ARHGEF12: variants seen among roughly 807,000 people sequenced by gnomAD.
The protein encoded by ARHGEF12 is Rho guanine nucleotide exchange factor 12.
In ARHGEF12, 66 loss-of-function variants were observed where a neutral mutation model predicts 211.2. The observed-to-expected ratio is 0.31, with a 90% CI of 0.26 to 0.38. The LOEUF (loss-of-function observed/expected upper bound fraction) is 0.38, where lower values mean the gene tolerates loss of function less well. Among genes scored for constraint, ARHGEF12 ranks in the 10% least tolerant of loss-of-function variants. The probability of loss-of-function intolerance (pLI) is 1.00; values close to 1 mark genes in which losing one functional copy is unlikely to be tolerated. For synonymous variants in ARHGEF12, 592 were observed against 638.4 expected (o/e 0.93, Z 1.09); for missense variants, 1,429 against 1,869.5 (o/e 0.76, Z 4.34).
At chr11:120,476,497 A>G in intron 33 of ARHGEF12, 164 bp from the exon 34 acceptor site, 1 of 452,108 alleles carries the variant, frequency 2.2e-6, no homozygotes. Context: ...ATACGTTAAT[A>G]TGGTAAGTTG....
chr11:120,460,416 T>G (rs753347120), intron 26 of ARHGEF12, among the ~76,000 whole-genome samples: 14 of 152,168 alleles, frequency 9.2e-5, no homozygotes, highest in Non-Finnish European at 1.8e-4. Flanking sequence ...GTTCAATGAA[T>G]ATTTGATGCA....
intron 40 of ARHGEF12, 31 bp downstream of exon 40, chr11:120,484,538 G>A: frequency 1.3e-6 from 2 of 1,554,486 alleles, no homozygotes; most frequent in Non-Finnish European, 1.8e-6. Flanking sequence ...CCAGACTCTA[G>A]ACTAATCATC....
Position 120,449,155 on chromosome 11 carries a change from G to T in ARHGEF12, c.1784G>T (p.Arg595Ile). The change falls in exon 21 of 41, where the codon AGA (arginine) becomes ATA (isoleucine). Residue 595 changes from arginine (R) to isoleucine (I), a missense_variant. By Grantham distance (97) the Arg-to-Ile change is moderately conservative. Around this residue, in one of 7 missense-constraint regions of ARHGEF12, gnomAD observed 373 missense variants for 467.5 expected, o/e 0.80. Transcript: ENST00000397843. ...GAAGGGGAAGAAAAAGGGAAGCGAA[G>T]AGGATTCCCCAGCATCCTGGGACCC... Reference protein sequence around the residue: ...DKEGEEKGKRRGFPSILGPPR... With the variant: ...DKEGEEKGKRIGFPSILGPPR... 1 of 1,614,138 alleles carries T rather than the reference G, an allele frequency of 6.2e-7. No homozygotes were observed. The highest frequency in any genetic ancestry group is 8.5e-7 in the Non-Finnish European group (1 of 1,180,002).
chr11:120,397,354 C>G (rs969751677), intron 1 of ARHGEF12, among the ~76,000 whole-genome samples: 2 of 152,138 alleles, frequency 1.3e-5, no homozygotes, highest in African/African-American at 4.8e-5. Context: ...TGTGTCCTCT[C>G]TTTTCTGTTT....
intron 13 of ARHGEF12, 82 bp from the exon 14 acceptor site, chr11:120,441,625 G>A (rs865856427): frequency 2.2e-4 from 227 of 1,051,450 alleles, no homozygotes; most frequent in Non-Finnish European, 2.9e-4. Context: ...GTGAAATTTG[G>A]ATAGCTATGT....
chr11:120,387,227 A>G (rs1312254042), intron 1 of ARHGEF12, among the ~76,000 whole-genome samples: 1 of 150,688 alleles, frequency 6.6e-6, no homozygotes, highest in Non-Finnish European at 1.5e-5. Flanking sequence ...TGTGCTGTAC[A>G]TGTTGGATTG....
intron 1 of ARHGEF12, among the ~76,000 whole-genome samples, chr11:120,342,489 G>A (rs939483024): frequency 6.6e-6 from 1 of 151,914 alleles, no homozygotes; most frequent in African/African-American, 2.4e-5. Flanking sequence ...TATCCTTTCC[G>A]GTCCCCTTCC....
intron 1 of ARHGEF12, among the ~76,000 whole-genome samples, chr11:120,378,334 CTT>C (rs1943788431): frequency 6.6e-6 from 1 of 152,152 alleles, no homozygotes; most frequent in African/African-American, 2.4e-5. Context: ...CTGTTCAAGT[CTT>C]TTAAGAAGTT....
At chr11:120,455,973 T>C (rs1477711949) in intron 22 of ARHGEF12, among the ~76,000 whole-genome samples, 1 of 152,220 alleles carries the variant, frequency 6.6e-6, no homozygotes, top group African/African-American at 2.4e-5. Flanking sequence ...CTTTAATAAA[T>C]GTTCTATTTG....
chr11:120,467,428 ATTTTC>A, intron 29 of ARHGEF12, 120 bp downstream of exon 29: 1 of 365,890 alleles, frequency 2.7e-6, no homozygotes, highest in Non-Finnish European at 4.7e-6. Flanking sequence ...GTATGACAAG[ATTTTC>A]TTTTTTTTTT....
intron 39 of ARHGEF12, among the ~76,000 whole-genome samples, chr11:120,482,748 A>G (rs1267917911): frequency 6.6e-6 from 1 of 151,678 alleles, no homozygotes; most frequent in Non-Finnish European, 1.5e-5. Flanking sequence ...CTGTCTCAAA[A>G]AAAAAAAAAA....
intron 6 of ARHGEF12, among the ~76,000 whole-genome samples, chr11:120,424,152 G>A (rs7115714): frequency 0.4 from 60,336 of 151,762 alleles, 12,398 homozygotes; most frequent in African/African-American, 0.48. Flanking sequence ...TCAAGGCCTC[G>A]GTTTATGTTT....
At chr11:120,461,942 C>T (rs536347758) in intron 27 of ARHGEF12, among the ~76,000 whole-genome samples, 14 of 144,490 alleles carry the variant, frequency 9.7e-5, no homozygotes, top group African/African-American at 3.6e-4. Context: ...TAGGCTTTGG[C>T]TTAAGGGAAT....
At chr11:120,439,879 T>C (rs1335945199) in intron 12 of ARHGEF12, 1 of 430,122 alleles carries the variant, frequency 2.3e-6, no homozygotes, top group East Asian at 4.0e-5. Flanking sequence ...GGATATTTAC[T>C]GTTTCCAAGG....
chr11:120,442,902 TA>T (rs993202287), intron 15 of ARHGEF12, among the ~76,000 whole-genome samples: 2 of 152,064 alleles, frequency 1.3e-5, no homozygotes. Context: ...ACCTTGACCT[TA>T]TTGTTTCTCT....
chr11:120,477,823 T>C (rs1189394934), intron 36 of ARHGEF12, among the ~76,000 whole-genome samples: 8 of 143,050 alleles, frequency 5.6e-5, no homozygotes, highest in Non-Finnish European at 1.0e-4. Flanking sequence ...GCCGAGATCG[T>C]GCCATTGCAC....
At chr11:120,456,884 G>T in intron 22 of ARHGEF12, among the ~76,000 whole-genome samples, 1 of 152,052 alleles carries the variant, frequency 6.6e-6, no homozygotes, top group Non-Finnish European at 1.5e-5. Flanking sequence ...TGTAGGCCCC[G>T]CTACTTGGAA....
Position 120,437,313 on chromosome 11 carries a change from C to A in ARHGEF12, c.930C>A (p.Pro310=). ...GATCTTGTTTTTTTCATTAGAGTCC[C>A]AAGAGTGGCCCAAAAGAGAGAATTT... ...SRPSSDNADS[P]KSGPKERIYL... is the part of the protein sequence containing the mutation. Residue 310 remains proline (P), a synonymous_variant, in exon 12 of 41, where the codon CCC becomes CCA. Coordinates refer to ENST00000397843, the MANE Select transcript of ARHGEF12 (RefSeq NM_015313.3). 1 of 1,610,878 alleles carries A rather than the reference C, an allele frequency of 6.2e-7. No individual in the cohort carries two copies. Among genetic ancestry groups the A allele is most frequent in the Non-Finnish European group, 8.5e-7 (1 of 1,178,460 alleles).
intron 39 of ARHGEF12, among the ~76,000 whole-genome samples, chr11:120,482,803 C>T (rs1294662807): frequency 6.6e-6 from 1 of 152,116 alleles, no homozygotes; most frequent in East Asian, 1.9e-4. Context: ...CAAACATTTT[C>T]CTCATGACAT....
Sources: allele counts gnomAD v4.1 joint callset (sites outside exome capture counted in the v4.1 genomes callset), GRCh38; gene constraint gnomAD v4.1.1; regional missense constraint gnomAD v4.1.1; transcripts MANE v1.5; gene names NCBI Gene and HGNC (gene_info 2026-07-23, HGNC 2026-07-21).